Variants in PALB2 observed in about 807,000 individuals in gnomAD.
The protein encoded by PALB2 is mutant partner and localizer of BRCA2.
Under a neutral mutation model 107.4 loss-of-function variants are expected in PALB2, and 82 were observed. The observed-to-expected ratio is 0.76, with a 90% CI of 0.64 to 0.92. The LOEUF (loss-of-function observed/expected upper bound fraction) is 0.92, where lower values mean the gene tolerates loss of function less well. PALB2 is among the 40% of genes least tolerant of loss of function. The pLI is 0.00. For missense variants in PALB2, 1,374 were observed against 1,379.9 expected (o/e 1.00, Z 0.07); for synonymous variants, 489 against 496.8 (o/e 0.98, Z 0.21).
chr16:23,604,967 G>A (rs560970325), intron 12 of PALB2, among the ~76,000 whole-genome samples: 1 of 152,122 alleles, frequency 6.6e-6, no homozygotes, highest in South Asian at 2.1e-4. Context: ...CCAGCTACTA[G>A]GGGGGCTGAG....
chr16:23,604,432 C>T (rs938654327), intron 12 of PALB2, among the ~76,000 whole-genome samples: 1 of 152,238 alleles, frequency 6.6e-6, no homozygotes, highest in Non-Finnish European at 1.5e-5. Flanking sequence ...CTATAAAAGG[C>T]TTAGCGCAGT....
rs876658192 is a variant in PALB2, at chr16:23,635,838, G to GA, written c.707dup (p.Leu237ProfsTer5). 3 of 1,614,110 alleles carry GA rather than the reference G, an allele frequency of 1.9e-6. No homozygotes were observed. The highest frequency in any genetic ancestry group is 2.5e-6 in the Non-Finnish European group (3 of 1,180,020). On this transcript the variant is annotated frameshift_variant, in exon 4 of 13. Transcript: ENST00000261584. LOFTEE classifies it high-confidence loss of function. ...CCCTGGTGAAATTAGGTCTTCTTAG[G>GA]AATGTATCAACACCTTTTTCTGGTT...
intron 11 of PALB2, among the ~76,000 whole-genome samples, chr16:23,609,577 G>T (rs1481437101): frequency 6.6e-6 from 1 of 152,134 alleles, no homozygotes; most frequent in African/African-American, 2.4e-5. Context: ...GCGTGCAGTG[G>T]TGCGATGTCT....
intron 10 of PALB2, among the ~76,000 whole-genome samples, chr16:23,618,331 A>G (rs966862463): frequency 1.3e-5 from 2 of 152,092 alleles, no homozygotes; most frequent in Non-Finnish European, 2.9e-5. Flanking sequence ...TCCCTTCCCA[A>G]TCTCAAATTC....
chr16:23,632,799 A>T (rs1775829859), intron 4 of PALB2, among the ~76,000 whole-genome samples: 1 of 152,200 alleles, frequency 6.6e-6, no homozygotes. Flanking sequence ...ATAGCAGACT[A>T]TTTCAAACTA....
rs1302512878 is a variant in PALB2 at position 23,621,444 on chromosome 16, C to G, written c.3031G>C (p.Glu1011Gln). 6.2e-7 allele frequency: 1 copy of G among 1,614,070 alleles called. No homozygotes were observed. The change falls in exon 10 of 13, where the codon GAG (glutamate) becomes CAG (glutamine). Residue 1011 changes from glutamate (E) to glutamine (Q), a missense_variant. Transcript: ENST00000261584. ...ACCTCAGCAAAAGTTAGTATAGTCT[C>G]CTCAGGGGGCATCAAAAATTGGTTT... ...KENQFLMPPEETILTFAEVQG... is the reference protein window; with the variant it reads ...KENQFLMPPEQTILTFAEVQG...
intron 10 of PALB2, among the ~76,000 whole-genome samples, chr16:23,615,637 G>T (rs1294945823): frequency 2.6e-5 from 4 of 151,900 alleles, no homozygotes; most frequent in Non-Finnish European, 4.4e-5. Context: ...ACTTTCAGTT[G>T]GCTCCCATTA....
At chr16:23,626,690 C>T (rs1479127861) in intron 6 of PALB2, among the ~76,000 whole-genome samples, 1 of 152,042 alleles carries the variant, frequency 6.6e-6, no homozygotes, top group Non-Finnish European at 1.5e-5. Context: ...GGTGCAATCT[C>T]GGCTTACTGC....
chr16:23,608,934 T>A (rs1027545394), intron 11 of PALB2, among the ~76,000 whole-genome samples: 5 of 151,834 alleles, frequency 3.3e-5, no homozygotes, highest in Non-Finnish European at 5.9e-5. Flanking sequence ...TTCAAGTGAT[T>A]CTCCTGCCTC....
intron 12 of PALB2, among the ~76,000 whole-genome samples, chr16:23,605,573 T>C (rs1966456458): frequency 6.6e-6 from 1 of 152,074 alleles, no homozygotes; most frequent in African/African-American, 2.4e-5. Flanking sequence ...CGCACCCAGC[T>C]CATTTTTGTA....
At chr16:23,608,799 T>C (rs183555309) in intron 11 of PALB2, among the ~76,000 whole-genome samples, 12,683 of 114,366 alleles carry the variant, frequency 0.11, 692 homozygotes, top group East Asian at 0.2. Flanking sequence ...TGTGTATATA[T>C]ATACACACAC....
At chr16:23,622,434 G>A (rs1227147047) in intron 9 of PALB2, among the ~76,000 whole-genome samples, 2 of 152,130 alleles carry the variant, frequency 1.3e-5, no homozygotes, top group South Asian at 2.1e-4. Flanking sequence ...TCGCTCTGCT[G>A]CCCAAGATGG....
At chr16:23,639,390 G>A (rs1468493839) in intron 1 of PALB2, among the ~76,000 whole-genome samples, 2 of 151,514 alleles carry the variant, frequency 1.3e-5, no homozygotes, top group East Asian at 1.9e-4. Flanking sequence ...AAAATGAGCC[G>A]GGTGTGGTGG....
intron 4 of PALB2, 107 bp downstream of exon 4, chr16:23,634,755 C>T (rs904958496): frequency 8.2e-6 from 12 of 1,471,960 alleles, no homozygotes; most frequent in Non-Finnish European, 1.0e-5. Flanking sequence ...AGCCACCACA[C>T]TTGGCCCTGT....
Sources: allele counts gnomAD v4.1 joint callset (sites outside exome capture counted in the v4.1 genomes callset), GRCh38; gene constraint gnomAD v4.1.1; transcripts MANE v1.5; gene names NCBI Gene and HGNC (gene_info 2026-07-23, HGNC 2026-07-21).